Variants in GABRB1 observed in about 807,000 individuals in gnomAD.
The protein encoded by GABRB1 is gamma-aminobutyric acid type A receptor subunit beta1.
In GABRB1, 17 loss-of-function variants were observed where a neutral mutation model predicts 51.6. That is an observed-to-expected ratio of 0.33 (90% CI 0.23 to 0.49). The LOEUF (loss-of-function observed/expected upper bound fraction) is 0.49, where lower values mean the gene tolerates loss of function less well. Ranked by LOEUF, GABRB1 falls within the 20% of genes least tolerant of loss-of-function variation. The pLI is 0.99. For missense variants in GABRB1, 410 were observed against 600.6 expected, an observed-to-expected ratio of 0.68 and a Z score of 3.32; for synonymous variants, 247 against 218.9, an observed-to-expected ratio of 1.13 and a Z score of -1.14.
intron 8 of GABRB1, among the ~76,000 whole-genome samples, chr4:47,423,023 C>T (rs1431137458): frequency 6.6e-6 from 1 of 152,034 alleles, no homozygotes; most frequent in Non-Finnish European, 1.5e-5. Context: ...CCCTCATTAT[C>T]TATCCCCTGA....
intron 1 of GABRB1, among the ~76,000 whole-genome samples, chr4:47,002,577 G>GT (rs201345499): frequency 3.7e-4 from 56 of 150,782 alleles, no homozygotes; most frequent in Non-Finnish European, 5.0e-4. Context: ...AAATGTATGT[G>GT]TTTTTTTTTC....
intron 8 of GABRB1, among the ~76,000 whole-genome samples, chr4:47,408,024 A>C (rs1261831942): frequency 6.6e-6 from 1 of 152,222 alleles, no homozygotes; most frequent in Admixed American, 6.5e-5. Flanking sequence ...CCCAGAAGGC[A>C]AAGGTTGCAG....
chr4:47,130,175 G>A (rs1167214633), intron 3 of GABRB1, among the ~76,000 whole-genome samples: 1 of 152,052 alleles, frequency 6.6e-6, no homozygotes, highest in Non-Finnish European at 1.5e-5. Context: ...GCTTGATCAT[G>A]TCACTCTCCT....
chr4:47,181,045 T>C (rs1718924405), intron 4 of GABRB1, among the ~76,000 whole-genome samples: 1 of 152,040 alleles, frequency 6.6e-6, no homozygotes, highest in South Asian at 2.1e-4. Context: ...GGATACTGTA[T>C]TCAAATTAAA....
intron 4 of GABRB1, among the ~76,000 whole-genome samples, chr4:47,241,677 C>T (rs982922708): frequency 6.6e-6 from 1 of 152,124 alleles, no homozygotes; most frequent in Non-Finnish European, 1.5e-5. Context: ...GATTCCTGAA[C>T]CTTACCTCCA....
chr4:47,193,650 T>C, intron 4 of GABRB1, among the ~76,000 whole-genome samples: 1 of 152,348 alleles, frequency 6.6e-6, no homozygotes, highest in South Asian at 2.1e-4. Flanking sequence ...GCTGAAGGTA[T>C]TATCTAAATC....
rs1727118690 is a variant in GABRB1 at position 47,067,047 on chromosome 4, GC to G, written c.240+34564del. Among the ~76,000 whole-genome samples, 6 of 152,342 alleles carry G rather than the reference GC, an allele frequency of 3.9e-5. No individual in the cohort carries two copies. In the East Asian group the frequency reaches 1.2e-3, roughly 29 times the overall value. On this transcript the variant is annotated intron_variant, in intron 3 of 8. Transcript: ENST00000295454. Reference sequence around the variant, plus strand: ...TGTTGTGTTAGAGGGCTGGAAAACAGCATCAGTTTCCTCTTACATCTCCATC... The same window carrying G: ...TGTTGTGTTAGAGGGCTGGAAAACAGATCAGTTTCCTCTTACATCTCCATC...
At chr4:47,018,150 T>TTCC (rs1285937159) in intron 1 of GABRB1, among the ~76,000 whole-genome samples, 1 of 151,470 alleles carries the variant, frequency 6.6e-6, no homozygotes, top group Non-Finnish European at 1.5e-5. Context: ...TTCTTCCTTT[T>TTCC]TCCTCCTCCT....
At chr4:47,418,555 GTGTT>G (rs1729001048) in intron 8 of GABRB1, among the ~76,000 whole-genome samples, 3 of 152,132 alleles carry the variant, frequency 2.0e-5, no homozygotes, top group Admixed American at 6.5e-5. Flanking sequence ...ATCTAAACTA[GTGTT>G]TGACCTAGCA....
At chr4:47,101,738 A>G (rs979736997) in intron 3 of GABRB1, among the ~76,000 whole-genome samples, 1 of 152,094 alleles carries the variant, frequency 6.6e-6, no homozygotes, top group African/African-American at 2.4e-5. Flanking sequence ...ACATCACAGC[A>G]AGATGAAAAT....
chr4:47,335,230 C>A (rs1376513965), intron 5 of GABRB1, among the ~76,000 whole-genome samples: 2 of 152,036 alleles, frequency 1.3e-5, no homozygotes, highest in Non-Finnish European at 2.9e-5. Context: ...GATAGGTTCT[C>A]ACGGGTCACC....
intron 3 of GABRB1, among the ~76,000 whole-genome samples, chr4:47,058,287 GAACAA>G (rs1279004164): frequency 1.3e-5 from 2 of 152,184 alleles, no homozygotes; most frequent in African/African-American, 4.8e-5. Flanking sequence ...CAGGTTCATT[GAACAA>G]ATAGCAAATA....
At chr4:47,003,355 C>G (rs1008192395) in intron 1 of GABRB1, among the ~76,000 whole-genome samples, 4 of 152,180 alleles carry the variant, frequency 2.6e-5, no homozygotes, top group Non-Finnish European at 4.4e-5. Context: ...CTTTTCATGA[C>G]TGACTGAGTT....
intron 4 of GABRB1, among the ~76,000 whole-genome samples, chr4:47,268,131 T>C (rs893552781): frequency 4.6e-5 from 7 of 152,142 alleles, no homozygotes; most frequent in Admixed American, 1.3e-4. Context: ...AAAAATTCCA[T>C]GTGTAATAAA....
chr4:47,026,132 A>G (rs1272302110), intron 1 of GABRB1, among the ~76,000 whole-genome samples: 1 of 152,064 alleles, frequency 6.6e-6, no homozygotes, highest in African/African-American at 2.4e-5. Context: ...CTTAGGCAAC[A>G]TAGTGAGACC....
At chr4:47,173,194 A>T in intron 4 of GABRB1, among the ~76,000 whole-genome samples, 1 of 152,218 alleles carries the variant, frequency 6.6e-6, no homozygotes, top group Non-Finnish European at 1.5e-5. Flanking sequence ...CGTTTTAAAC[A>T]CCAAAGGATT....
chr4:47,060,957 G>A (rs1386380819), intron 3 of GABRB1, among the ~76,000 whole-genome samples: 32 of 151,982 alleles, frequency 2.1e-4, no homozygotes, highest in Admixed American at 1.8e-3. Context: ...GTTTCAAATC[G>A]AAGAATTAAT....
rs1560507979 is a variant in GABRB1, at chr4:47,042,413, A to ATATAT, written c.240+9929_240+9930insTATAT. 1.6e-4 allele frequency among the ~76,000 whole-genome samples: 7 copies of ATATAT among 43,492 alleles called. No homozygotes were observed. In the South Asian group the frequency reaches 4.0e-3, roughly 25 times the overall value. The allele number at this position is 43,492 out of a possible 152,430, so 28.5% of individuals were successfully genotyped here. ...TGTGTACATGTATGTGTATGTGTACAGTATATATATATATATATATATATA... is the reference window on the plus strand; with the variant it reads ...TGTGTACATGTATGTGTATGTGTACATATATGTATATATATATATATATATATATA... On this transcript the variant is annotated intron_variant, in intron 3 of 8. Coordinates refer to ENST00000295454, the MANE Select transcript of GABRB1 (RefSeq NM_000812.4).
At position 47,245,094 on chromosome 4, in the gene GABRB1, G is replaced by A. The variant is rs112290323; in HGVS notation, c.462-75033G>A. 6.0e-3 allele frequency among the ~76,000 whole-genome samples: 908 copies of A among 152,058 alleles called. 10 individuals are homozygous for A. Among genetic ancestry groups the A allele is most frequent in the African/African-American group, 0.021 (855 of 41,490 alleles). On this transcript the variant is annotated intron_variant, in intron 4 of 8. Transcript: ENST00000295454. ...AAAAGATCAACAAAATTGATAGACC[G>A]CTAGCAAGACTAATAAAGAAGAAAA... is the stretch of plus-strand genomic sequence containing the variant.
Sources: gnomAD v4.1 joint callset for allele counts (sites outside exome capture counted in the v4.1 genomes callset) on GRCh38, gnomAD v4.1.1 for gene constraint, MANE v1.5 for transcripts, NCBI Gene and HGNC (gene_info 2026-07-23, HGNC 2026-07-21) for gene names.